Variants in SCNN1D observed in about 807,000 individuals in gnomAD.
The protein encoded by SCNN1D is epithelial sodium channel subunit delta.
In SCNN1D, 104 loss-of-function variants were observed where a neutral mutation model predicts 87.8. The observed-to-expected ratio is 1.18, with a 90% CI of 1.01 to 1.39. SCNN1D has a LOEUF of 1.39. Among genes scored for constraint, SCNN1D ranks in the 40% most tolerant of loss-of-function variants. The pLI is 0.00. For synonymous variants in SCNN1D, 628 were observed against 481.2 expected, an observed-to-expected ratio of 1.31 and a Z score of -3.99; for missense variants, 1,324 against 1,093.9, an observed-to-expected ratio of 1.21 and a Z score of -2.97.
chr1:1,291,604 C>T lies in SCNN1D; in HGVS notation c.2403C>T (p.Asp801=). The T allele has an allele frequency of 1.3e-6, 2 of 1,528,708 alleles. No homozygotes were observed. The highest frequency in any genetic ancestry group is 2.5e-5 in the South Asian group (2 of 80,002). 94.7% of individuals were successfully genotyped at this position (1,528,708 alleles called of 1,614,324 possible). A position where few individuals can be genotyped will look rare whatever the true frequency, so the allele number is the denominator to read the frequency against. ...WAGPQPLETL[D]T The stretch of plus-strand genomic sequence containing the variant: ...GGCCCCAGCCCCTTGAGACTCTGGA[C>T]ACCTGAACCAGACCTGCCAGGGCTG... The change falls in exon 18 of 18, where the codon GAC becomes GAT. Residue 801 remains aspartate, a synonymous_variant. Transcript: ENST00000379116.
chr1:1,284,992 G>T (rs1159599186), intron 5 of SCNN1D, among the ~76,000 whole-genome samples: 3 of 152,214 alleles, frequency 2.0e-5, no homozygotes, highest in Non-Finnish European at 4.4e-5. Context: ...GAGACGAGGA[G>T]TGGGGACTGG....
intron 8 of SCNN1D, 32 bp from the exon 9 acceptor site, chr1:1,287,076 GC>G (rs777937581): frequency 3.2e-5 from 50 of 1,580,030 alleles, no homozygotes; most frequent in Non-Finnish European, 4.1e-5. Context: ...CTGGGCTGTA[GC>G]CACAGAGCTG....
chr1:1,283,905 G>C lies in SCNN1D; in HGVS notation c.352-73G>C, dbSNP rs1240785258. 3.8e-6 allele frequency: 3 copies of C among 794,502 alleles called. No homozygotes were observed. In the South Asian group the frequency reaches 5.7e-5, roughly 15 times the overall value. The allele number at this position is 794,502 out of a possible 1,614,324, so 49.2% of individuals were successfully genotyped here. On this transcript the variant is annotated intron_variant, in intron 4 of 17. Transcript: ENST00000379116. ...GAATTCCCCTTTTGGGTCCGGGGCA[G>C]GTGTGGCTGCCCTGGCTGGGTCCTC... is the stretch of plus-strand genomic sequence containing the variant.
chr1:1,291,579 G>T lies in SCNN1D; in HGVS notation c.2378G>T (p.Gly793Val). 1 of 1,566,664 alleles carries T rather than the reference G, an allele frequency of 6.4e-7. No individual in the cohort carries two copies. The highest frequency in any genetic ancestry group is 8.7e-7 in the Non-Finnish European group (1 of 1,152,970). Residue 793 changes from glycine to valine, a missense_variant, in exon 18 of 18, where the codon GGG becomes GTG. Transcript: ENST00000379116. The part of the protein sequence containing the change: ...AGVSAEESWA[G>V]PQPLETLDT ...GTCTCAGCCGAAGAGAGCTGGGCTG[G>T]GCCCCAGCCCCTTGAGACTCTGGAC...
chr1:1,288,271 C>T (rs1269308605), intron 12 of SCNN1D, among the ~76,000 whole-genome samples: 5 of 96,360 alleles, frequency 5.2e-5, no homozygotes, highest in Non-Finnish European at 8.9e-5. Flanking sequence ...GTCTCTGCTC[C>T]GTCCCCCGAG....
At position 1,286,803 on chromosome 1, in the gene SCNN1D, A is replaced by G; in HGVS notation, c.947A>G (p.Asp316Gly). ...SPVLRHLELL[D>G]EFARENIDSL... Reference sequence around the variant, plus strand: ...GTCCTCCGCCATCTGGAGCTGCTGGACGAGTTTGCCAGGGAGAACATTGAC... The same window carrying G: ...GTCCTCCGCCATCTGGAGCTGCTGGGCGAGTTTGCCAGGGAGAACATTGAC... Residue 316 changes from aspartate (D) to glycine (G), a missense_variant, in exon 8 of 18, where the codon GAC (aspartate) becomes GGC (glycine). By Grantham distance (94) the Asp-to-Gly change is moderately conservative. Coordinates refer to ENST00000379116, the MANE Select transcript of SCNN1D (RefSeq NM_001130413.4). The G allele has an allele frequency of 6.2e-7, 1 of 1,612,658 alleles. No homozygotes were observed.
rs1167690305 is a variant in SCNN1D at position 1,288,236 on chromosome 1, G to A, written c.1662+199G>A. On this transcript the variant is annotated intron_variant, in intron 12 of 17. Transcript: ENST00000379116. Reference sequence around the variant, plus strand: ...CTGCTCCGTCCCGTGTCTCTGCTCCGTCCCGTGTCTCTGCTCCGTCCCGTG... The same window carrying A: ...CTGCTCCGTCCCGTGTCTCTGCTCCATCCCGTGTCTCTGCTCCGTCCCGTG... 6.7e-4 allele frequency among the ~76,000 whole-genome samples: 86 copies of A among 128,400 alleles called. 1 individual carries two copies. The highest frequency in any genetic ancestry group is 3.6e-3 in the Middle Eastern group (1 of 274). The allele number at this position is 128,400 out of a possible 152,430, so 84.2% of individuals were successfully genotyped here.
At position 1,290,913 on chromosome 1, in the gene SCNN1D, C is replaced by T; in HGVS notation, c.1936C>T (p.Leu646=). ...AKSAGWTLAT[L]GEQGLPHQSH... ...TCTGCAGGGATGGACTCTGGCCACG[C>T]TAGGTGAACAGGGGCTGCCGCATCA... Residue 646 remains leucine (L), a synonymous_variant, in exon 16 of 18, where the codon CTA becomes TTA. Transcript: ENST00000379116. 1 of 1,610,036 alleles carries T rather than the reference C, an allele frequency of 6.2e-7. No individual in the cohort carries two copies. The highest frequency in any genetic ancestry group is 1.1e-5 in the South Asian group (1 of 90,688).
At chr1:1,290,836 TACCCAGG>T in intron 15 of SCNN1D, 52 bp from the exon 16 acceptor site, 1 of 1,593,552 alleles carries the variant, frequency 6.3e-7, no homozygotes, top group South Asian at 1.1e-5. Context: ...CCGCCCGTGG[TACCCAGG>T]ATGGCCGGGG....
At chr1:1,281,893 C>G in intron 3 of SCNN1D, 4 of 568,390 alleles carry the variant, frequency 7.0e-6, no homozygotes, top group South Asian at 6.5e-5. Context: ...CCAGGCCACT[C>G]CCGGGGACAC....
chr1:1,280,539 T>A lies in SCNN1D; in HGVS notation c.-123T>A, dbSNP rs1049095715. 4 of 653,018 alleles carry A rather than the reference T, an allele frequency of 6.1e-6. No homozygotes were observed. Among genetic ancestry groups the A allele is most frequent in the Non-Finnish European group, 1.1e-5 (4 of 351,622 alleles). 40.5% of individuals were successfully genotyped at this position (653,018 alleles called of 1,614,324 possible). A position where few individuals can be genotyped will look rare whatever the true frequency, so the allele number is the denominator to read the frequency against. The stretch of plus-strand genomic sequence containing the variant: ...CAGTATGGCGTTGTGCAGATGAAGG[T>A]CTTATCGCAGATGAAGCCACCAGGT... On this transcript the variant is annotated 5_prime_UTR_variant, in exon 1 of 18. Coordinates refer to ENST00000379116, the MANE Select transcript of SCNN1D (RefSeq NM_001130413.4).
chr1:1,291,616 A>G lies in SCNN1D; in HGVS notation c.*6A>G. 2 of 1,516,144 alleles carry G rather than the reference A, an allele frequency of 1.3e-6. No individual in the cohort carries two copies. Among genetic ancestry groups the G allele is most frequent in the Non-Finnish European group, 1.8e-6 (2 of 1,128,502 alleles). 93.9% of individuals were successfully genotyped at this position (1,516,144 alleles called of 1,614,324 possible). Reference sequence around the variant, plus strand: ...TTGAGACTCTGGACACCTGAACCAGACCTGCCAGGGCTGTGCGATCTCTTG... The same window carrying G: ...TTGAGACTCTGGACACCTGAACCAGGCCTGCCAGGGCTGTGCGATCTCTTG... On this transcript the variant is annotated 3_prime_UTR_variant, in exon 18 of 18. Transcript: ENST00000379116.
chr1:1,281,107 C>T lies in SCNN1D; in HGVS notation c.6-119C>T, dbSNP rs188267049. ...GCCTGTCTATTGCACCAGAACCGTCCCAGGGCTGACTCAGAGTGACCCTGA... is the reference window on the plus strand; with the variant it reads ...GCCTGTCTATTGCACCAGAACCGTCTCAGGGCTGACTCAGAGTGACCCTGA... On this transcript the variant is annotated intron_variant, in intron 1 of 17. Transcript: ENST00000379116. 1.0e-5 allele frequency: 10 copies of T among 979,596 alleles called. No individual in the cohort carries two copies. The East Asian group carries it at 2.6e-4, about 26-fold the overall frequency. 60.7% of individuals were successfully genotyped at this position (979,596 alleles called of 1,614,324 possible).
rs760542732 is a variant in SCNN1D, at chr1:1,290,650, A to T, written c.1873A>T (p.Lys625Ter). Residue 625 changes from lysine to a stop codon, truncating the protein, a stop_gained, in exon 15 of 18, where the codon AAG becomes TAG. Transcript: ENST00000379116. LOFTEE classifies it high-confidence loss of function. Reference protein sequence around the residue: ...CPRPCRESAFKLSTGTSRWPS... With the variant: ...CPRPCRESAF ...TGTCTCTTCCAGGGAGTCTGCATTC[A>T]AGCTCTCCACTGGGACCTCCAGGTG... 1.9e-6 allele frequency: 3 copies of T among 1,612,574 alleles called. No homozygotes were observed. The Admixed American group carries it at 5.0e-5, about 27-fold the overall frequency.
intron 12 of SCNN1D, among the ~76,000 whole-genome samples, chr1:1,288,282 T>G (rs1242681589): frequency 2.1e-5 from 2 of 95,048 alleles, no homozygotes; most frequent in African/African-American, 8.1e-5. Flanking sequence ...GTCCCCCGAG[T>G]CTCTGCTCCG....
In SCNN1D at chr1:1,281,561, T is replaced by C; in HGVS notation, c.228T>C (p.Cys76=). 6.5e-7 allele frequency: 1 copy of C among 1,535,784 alleles called. No individual in the cohort carries two copies. The highest frequency in any genetic ancestry group is 1.2e-5 in the South Asian group (1 of 84,066). ...CGFTSAGHVL[C]GYPLCLLSGP... is the part of the protein sequence containing the mutation. Reference sequence around the variant, plus strand: ...TCACCAGTGCTGGACATGTGCTCTGTGGCTACCCCCTCTGCCTACTCTCTG... The same window carrying C: ...TCACCAGTGCTGGACATGTGCTCTGCGGCTACCCCCTCTGCCTACTCTCTG... Residue 76 remains cysteine (C), a synonymous_variant, in exon 3 of 18, where the codon TGT becomes TGC. Transcript: ENST00000379116.
rs1640451952 is a variant in SCNN1D, at chr1:1,280,673, C to T, written c.5+7C>T. 6 of 701,736 alleles carry T rather than the reference C, an allele frequency of 8.6e-6. No individual in the cohort carries two copies. Among genetic ancestry groups the T allele is most frequent in the East Asian group, 2.7e-5 (1 of 37,262 alleles). The allele number at this position is 701,736 out of a possible 1,614,324, so 43.5% of individuals were successfully genotyped here. On this transcript the variant is annotated splice_region_variant and intron_variant, in intron 1 of 17. Coordinates refer to ENST00000379116, the MANE Select transcript of SCNN1D (RefSeq NM_001130413.4). ...AGCAGGGAGGAGGCATGAGGTGCGT[C>T]CGACTCCCTTCCCATCACAGCTGAG...
chr1:1,285,287 C>T (rs574907427), intron 5 of SCNN1D, among the ~76,000 whole-genome samples: 11 of 152,370 alleles, frequency 7.2e-5, no homozygotes, highest in African/African-American at 1.2e-4. Flanking sequence ...GCCTCCAGCG[C>T]GGGACTGGGC....
Position 1,287,704 on chromosome 1 carries a change from G to A in SCNN1D, c.1431G>A (p.Gln477=), listed in dbSNP as rs746762636. ...GCCTGGTCCTCAGGGTTGAGCAGCA[G>A]CCTCACCTCCCTCTGCTGTCCACGC... ...GVGLVLRVEQ[Q]PHLPLLSTLA... Residue 477 remains glutamine (Q), a synonymous_variant, in exon 11 of 18, where the codon CAG becomes CAA. Coordinates refer to ENST00000379116, the MANE Select transcript of SCNN1D (RefSeq NM_001130413.4). 2.5e-6 allele frequency: 4 copies of A among 1,610,886 alleles called. No homozygotes were observed. The highest frequency in any genetic ancestry group is 3.4e-6 in the Non-Finnish European group (4 of 1,179,110).
Sources: gnomAD v4.1 joint callset for allele counts (sites outside exome capture counted in the v4.1 genomes callset) on GRCh38, gnomAD v4.1.1 for gene constraint, MANE v1.5 for transcripts, NCBI Gene and HGNC (gene_info 2026-07-23, HGNC 2026-07-21) for gene names.